The following SLC30A7 variants were observed in gnomAD, a reference collection of about 807,000 sequenced individuals.
SLC30A7 encodes zinc transporter 7.
SLC30A7 carries 35 observed loss-of-function variants against 46.0 expected under a neutral mutation model. The ratio of observed to expected loss-of-function variants is 0.76; its 90% CI spans 0.58 to 1.01. The LOEUF is 1.01. SLC30A7 is among the 50% of genes least tolerant of loss of function. The pLI is 0.00. For synonymous variants in SLC30A7, 147 were observed against 157.8 expected, an observed-to-expected ratio of 0.93 and a Z score of 0.51; for missense variants, 464 against 451.1, an observed-to-expected ratio of 1.03 and a Z score of -0.26.
chr1:100,904,655 T>C (rs1651532475), intron 2 of SLC30A7, among the ~76,000 whole-genome samples: 1 of 152,214 alleles, frequency 6.6e-6, no homozygotes, highest in Admixed American at 6.5e-5. Context: ...ATGCCTTGTC[T>C]GTCAGACCAC....
intron 8 of SLC30A7, among the ~76,000 whole-genome samples, chr1:100,939,689 A>T (rs1006596874): frequency 5.3e-5 from 8 of 151,460 alleles, no homozygotes; most frequent in Admixed American, 1.3e-4. Flanking sequence ...AAAAAAAAAA[A>T]ATACAAAAAA....
intron 8 of SLC30A7, among the ~76,000 whole-genome samples, chr1:100,954,421 A>T (rs1284236618): frequency 6.6e-6 from 1 of 152,172 alleles, no homozygotes; most frequent in Non-Finnish European, 1.5e-5. Flanking sequence ...AATTTATGAA[A>T]GCATTTTAAA....
intron 8 of SLC30A7, among the ~76,000 whole-genome samples, chr1:100,933,037 G>T (rs185894870): frequency 1.3e-5 from 2 of 149,840 alleles, no homozygotes; most frequent in East Asian, 3.9e-4. Context: ...GTGCTGTGGC[G>T]CAATCTCGGC....
chr1:100,966,109 T>G (rs971502553), intron 10 of SLC30A7, among the ~76,000 whole-genome samples, 191 bp downstream of exon 10: 2 of 151,398 alleles, frequency 1.3e-5, no homozygotes, highest in African/African-American at 4.9e-5. Context: ...GCGCCTATAG[T>G]CCCAGCTGCT....
intron 10 of SLC30A7, among the ~76,000 whole-genome samples, chr1:100,973,676 T>C (rs796867906): frequency 2.8e-4 from 43 of 152,296 alleles, no homozygotes; most frequent in African/African-American, 9.1e-4. Flanking sequence ...GCTTTATTTT[T>C]TTCTTTAGCC....
At chr1:100,950,617 G>C (rs1654901355) in intron 8 of SLC30A7, among the ~76,000 whole-genome samples, 1 of 151,958 alleles carries the variant, frequency 6.6e-6, no homozygotes, top group Admixed American at 6.6e-5. Flanking sequence ...ATGTTTTCCT[G>C]AGCTTTTGCA....
chr1:100,989,576 C>T, the SLC30A7 span: 1 of 152,192 alleles, frequency 6.6e-6, no homozygotes, highest in African/African-American at 2.4e-5. Flanking sequence ...ACTCCTCATG[C>T]AGTAGGGACA....
At chr1:100,963,403 A>T (rs1335113868) in intron 9 of SLC30A7, among the ~76,000 whole-genome samples, 1 of 152,132 alleles carries the variant, frequency 6.6e-6, no homozygotes, top group Non-Finnish European at 1.5e-5. Flanking sequence ...ACAAGAAGTG[A>T]TCATTGACTG....
chr1:100,896,482 CT>C, intron 1 of SLC30A7, 87 bp from the exon 2 acceptor site: 4 of 1,426,330 alleles, frequency 2.8e-6, no homozygotes, highest in Non-Finnish European at 3.9e-6. Context: ...AGCATGTGAA[CT>C]GGGAGGGTCT....
chr1:100,901,371 T>C (rs1218935386), intron 2 of SLC30A7, among the ~76,000 whole-genome samples: 1 of 152,242 alleles, frequency 6.6e-6, no homozygotes, highest in Non-Finnish European at 1.5e-5. Context: ...CAAAAGTTTC[T>C]TTTGCCATAT....
At chr1:100,969,472 A>G (rs1436009467) in intron 10 of SLC30A7, among the ~76,000 whole-genome samples, 2 of 152,184 alleles carry the variant, frequency 1.3e-5, no homozygotes, top group African/African-American at 4.8e-5. Flanking sequence ...AAGGAATGCA[A>G]TTTCTAGTTT....
At chr1:100,945,598 G>T (rs1233482835) in intron 8 of SLC30A7, among the ~76,000 whole-genome samples, 1 of 152,122 alleles carries the variant, frequency 6.6e-6, no homozygotes, top group Non-Finnish European at 1.5e-5. Flanking sequence ...GATGGTTGTA[G>T]ATGTGTGGTA....
intron 4 of SLC30A7, among the ~76,000 whole-genome samples, chr1:100,911,511 T>C (rs1396515098): frequency 6.6e-6 from 1 of 152,146 alleles, no homozygotes; most frequent in African/African-American, 2.4e-5. Context: ...GACTTAAAGA[T>C]TAGTGAACTT....
intron 9 of SLC30A7, among the ~76,000 whole-genome samples, chr1:100,964,384 A>G (rs1205582861): frequency 7.9e-6 from 1 of 126,370 alleles, no homozygotes; most frequent in Non-Finnish European, 1.7e-5. Flanking sequence ...AACATATGTT[A>G]TATAACCTAT....
At chr1:100,991,788 C>CAAAAAAAAAAAAAAAAAAAAAA in the SLC30A7 span, among the ~76,000 whole-genome samples, 1 of 101,066 alleles carries the variant, frequency 9.9e-6, no homozygotes. Flanking sequence ...GACCCCATCT[C>CAAAAAAAAAAAAAAAAAAAAAA]AAAAAAAAAA....
At chr1:100,925,217 T>TA (rs1653217800) in intron 8 of SLC30A7, among the ~76,000 whole-genome samples, 1 of 152,206 alleles carries the variant, frequency 6.6e-6, no homozygotes, top group Non-Finnish European at 1.5e-5. Context: ...AGCCTTGTGG[T>TA]AAAAGCAGCT....
chr1:100,981,907 T>A (rs1290178013), downstream of SLC30A7, among the ~76,000 whole-genome samples: 1 of 152,154 alleles, frequency 6.6e-6, no homozygotes, highest in Non-Finnish European at 1.5e-5. Context: ...AGAGAAGAGA[T>A]GCTAGGAGGT....
chr1:100,907,501 A>T (rs557123910), intron 3 of SLC30A7, among the ~76,000 whole-genome samples: 1 of 152,274 alleles, frequency 6.6e-6, no homozygotes, highest in East Asian at 1.9e-4. Context: ...CTCTGATTGG[A>T]GGAAGCAGTG....
intron 8 of SLC30A7, among the ~76,000 whole-genome samples, chr1:100,930,600 G>A (rs1450787099): frequency 6.6e-6 from 1 of 150,974 alleles, no homozygotes; most frequent in Non-Finnish European, 1.5e-5. Flanking sequence ...TTTTTAATAT[G>A]TAGAAAGTTA....
Sources: allele counts gnomAD v4.1 joint callset (sites outside exome capture counted in the v4.1 genomes callset), GRCh38; gene constraint gnomAD v4.1.1; transcripts MANE v1.5; gene names NCBI Gene and HGNC (gene_info 2026-07-23, HGNC 2026-07-21).